KCNH8: variants seen among roughly 807,000 people sequenced by gnomAD.
KCNH8 encodes potassium voltage-gated channel subfamily H member 8.
KCNH8 carries 70 observed loss-of-function variants against 103.6 expected under a neutral mutation model. The ratio of observed to expected loss-of-function variants is 0.68; its 90% CI spans 0.56 to 0.82. The LOEUF (loss-of-function observed/expected upper bound fraction) is 0.82. KCNH8 is among the 40% of genes least tolerant of loss of function. The pLI, the probability that KCNH8 is intolerant of heterozygous loss-of-function variation, is 0.00. For synonymous variants in KCNH8, 498 were observed against 489.4 expected (o/e 1.02, Z -0.23); for missense variants, 1,217 against 1,329.9 (o/e 0.92, Z 1.32).
chr3:19,491,755 T>C (rs1258935183), intron 11 of KCNH8, among the ~76,000 whole-genome samples: 1 of 152,200 alleles, frequency 6.6e-6, no homozygotes, highest in Non-Finnish European at 1.5e-5. Context: ...TTGCGAAATC[T>C]CCAAACTGCT....
At chr3:19,225,890 G>C (rs1311014847) in intron 1 of KCNH8, among the ~76,000 whole-genome samples, 4 of 152,128 alleles carry the variant, frequency 2.6e-5, no homozygotes, top group African/African-American at 9.7e-5. Flanking sequence ...TATTTTGGCT[G>C]GTGTGCTAGG....
chr3:19,453,030 T>C (rs2067474206), intron 10 of KCNH8, among the ~76,000 whole-genome samples: 1 of 152,170 alleles, frequency 6.6e-6, no homozygotes, highest in Non-Finnish European at 1.5e-5. Context: ...TAAAGAAGAA[T>C]GAAATCATAT....
chr3:19,157,034 T>C (rs776260068), intron 1 of KCNH8, among the ~76,000 whole-genome samples: 1 of 151,978 alleles, frequency 6.6e-6, no homozygotes, highest in African/African-American at 2.4e-5. Flanking sequence ...GACATCTTTA[T>C]TGTATTTGTC....
intron 1 of KCNH8, among the ~76,000 whole-genome samples, chr3:19,160,756 G>C (rs2063226025): frequency 6.6e-6 from 1 of 152,048 alleles, no homozygotes; most frequent in Non-Finnish European, 1.5e-5. Context: ...ATCCCACCCA[G>C]GATGTGAACT....
chr3:19,175,214 T>C (rs1368720966), intron 1 of KCNH8, among the ~76,000 whole-genome samples: 2 of 151,400 alleles, frequency 1.3e-5, no homozygotes, highest in African/African-American at 2.5e-5. Context: ...CAATAACTGT[T>C]TTGTAATTTT....
At chr3:19,418,982 T>C (rs1416795405) in intron 7 of KCNH8, among the ~76,000 whole-genome samples, 2 of 152,112 alleles carry the variant, frequency 1.3e-5, no homozygotes, top group East Asian at 1.9e-4. Context: ...CCGGAATACA[T>C]TCCCCATATG....
chr3:19,502,896 G>T (rs573822295), intron 11 of KCNH8, among the ~76,000 whole-genome samples: 5 of 151,966 alleles, frequency 3.3e-5, no homozygotes, highest in Admixed American at 6.6e-5. Flanking sequence ...AACACCAAAA[G>T]CAATGGCAAC....
chr3:19,233,061 T>TCCTCCC (rs2064015232), intron 1 of KCNH8, among the ~76,000 whole-genome samples: 1 of 62,354 alleles, frequency 1.6e-5, no homozygotes, highest in Non-Finnish European at 3.2e-5. Context: ...TTGATATTCC[T>TCCTCCC]CCCCCCCCCC....
chr3:19,267,501 C>G (rs2064528976), intron 2 of KCNH8, among the ~76,000 whole-genome samples: 1 of 151,970 alleles, frequency 6.6e-6, no homozygotes, highest in East Asian at 1.9e-4. Context: ...TAAAAATTAT[C>G]TTATCATAGA....
Position 19,522,819 on chromosome 3 carries a change from A to T in KCNH8, c.2619+4745A>T, listed in dbSNP as rs186996716. On this transcript the variant is annotated intron_variant, in intron 15 of 15. Coordinates refer to ENST00000328405, the MANE Select transcript of KCNH8 (RefSeq NM_144633.3). ...TTCTTAGGCTCTGATTGGATCTAAA[A>T]TTTTTTTTAAATTTTCCCATAGCAA... 2.4e-3 allele frequency among the ~76,000 whole-genome samples: 362 copies of T among 151,774 alleles called. 1 individual carries two copies. The highest frequency in any genetic ancestry group is 8.2e-3 in the African/African-American group (341 of 41,450).
chr3:19,526,491 G>GGTCT (rs1248333823), intron 15 of KCNH8, among the ~76,000 whole-genome samples: 1 of 151,834 alleles, frequency 6.6e-6, no homozygotes, highest in East Asian at 1.9e-4. Flanking sequence ...ATTTTTCTCT[G>GGTCT]GTCTGCATTA....
chr3:19,164,416 T>C (rs2063262724), intron 1 of KCNH8, among the ~76,000 whole-genome samples: 1 of 152,212 alleles, frequency 6.6e-6, no homozygotes, highest in African/African-American at 2.4e-5. Context: ...GTACTTGATA[T>C]TTTCACCTTC....
chr3:19,221,565 G>T (rs893339539), intron 1 of KCNH8, among the ~76,000 whole-genome samples: 5 of 149,400 alleles, frequency 3.3e-5, no homozygotes, highest in African/African-American at 7.4e-5. Context: ...TAATTTATTT[G>T]TTTTTTTTTC....
chr3:19,196,231 A>T (rs2063600605), intron 1 of KCNH8, among the ~76,000 whole-genome samples: 1 of 151,902 alleles, frequency 6.6e-6, no homozygotes, highest in African/African-American at 2.4e-5. Flanking sequence ...ATATGCCTAA[A>T]CCTCATAAAA....
chr3:19,413,016 A>T (rs115567351), intron 7 of KCNH8, among the ~76,000 whole-genome samples: 1,903 of 152,190 alleles, frequency 0.013, 39 homozygotes, highest in African/African-American at 0.043. Context: ...ATTACTGGAT[A>T]TATATCCAAA....
chr3:19,165,707 G>A (rs1426168270), intron 1 of KCNH8, among the ~76,000 whole-genome samples: 1 of 152,160 alleles, frequency 6.6e-6, no homozygotes, highest in Non-Finnish European at 1.5e-5. Context: ...AAAAACTACA[G>A]ACTTGTTTTC....
intron 4 of KCNH8, among the ~76,000 whole-genome samples, chr3:19,343,245 G>A (rs1338488161): frequency 6.6e-6 from 1 of 151,972 alleles, no homozygotes; most frequent in Non-Finnish European, 1.5e-5. Context: ...CATACCATAC[G>A]TTAAATAATT....
intron 7 of KCNH8, among the ~76,000 whole-genome samples, chr3:19,405,595 A>G (rs968258782): frequency 5.9e-5 from 9 of 151,900 alleles, no homozygotes; most frequent in African/African-American, 2.2e-4. Context: ...TCGACGCTTG[A>G]TATACATTGA....
chr3:19,310,814 A>C (rs1241910670), intron 3 of KCNH8, among the ~76,000 whole-genome samples: 2 of 151,916 alleles, frequency 1.3e-5, no homozygotes, highest in African/African-American at 4.8e-5. Flanking sequence ...ACTATTCATA[A>C]TAAAAGATGA....
Sources: gnomAD v4.1 joint callset for allele counts (sites outside exome capture counted in the v4.1 genomes callset) on GRCh38, gnomAD v4.1.1 for gene constraint, MANE v1.5 for transcripts, NCBI Gene and HGNC (gene_info 2026-07-23, HGNC 2026-07-21) for gene names.